The following TTLL4 variants were observed in gnomAD, a reference collection of about 807,000 sequenced individuals.
TTLL4 encodes the protein tubulin monoglutamylase TTLL4.
Under a neutral mutation model 122.7 loss-of-function variants are expected in TTLL4, and 85 were observed. The observed-to-expected ratio is 0.69, with a 90% CI of 0.58 to 0.83. The LOEUF (loss-of-function observed/expected upper bound fraction) is 0.83, where lower values mean the gene tolerates loss of function less well. Ranked by LOEUF, TTLL4 falls within the 40% of genes least tolerant of loss-of-function variation. TTLL4 has a pLI of 0.00. For synonymous variants in TTLL4, 553 were observed against 563.0 expected, an observed-to-expected ratio of 0.98 and a Z score of 0.25; for missense variants, 1,363 against 1,488.6, an observed-to-expected ratio of 0.92 and a Z score of 1.39.
downstream of TTLL4, among the ~76,000 whole-genome samples, chr2:218,758,454 A>G (rs1943190112): frequency 6.6e-6 from 1 of 152,216 alleles, no homozygotes; most frequent in South Asian, 2.1e-4. Context: ...ACCACCCAGA[A>G]CATATAAAGT....
intron 1 of TTLL4, among the ~76,000 whole-genome samples, chr2:218,713,597 G>A (rs765977408): frequency 6.6e-6 from 1 of 152,148 alleles, no homozygotes; most frequent in Non-Finnish European, 1.5e-5. Flanking sequence ...TACCTTATAT[G>A]TAAGGAACAC....
Position 218,719,146 on chromosome 2 carries a change from A to T in TTLL4, c.-178+8109A>T, listed in dbSNP as rs886907149. ...TTGTTCTAGGAAGACTTAGTGTTCC[A>T]TAAAGTTGTTGGGGGAGGAGACTTG... On this transcript the variant is annotated intron_variant, in intron 1 of 19. Transcript: ENST00000392102. 1.2e-4 allele frequency among the ~76,000 whole-genome samples: 18 copies of T among 152,296 alleles called. 1 individual carries two copies. The highest frequency in any genetic ancestry group is 4.3e-4 in the African/African-American group (18 of 41,552).
rs1191716175 is a variant in TTLL4 at position 218,728,921 on chromosome 2, A to ATT, written c.-99+1593_-99+1594dup. On this transcript the variant is annotated intron_variant, in intron 2 of 19. Coordinates refer to ENST00000392102, the MANE Select transcript of TTLL4 (RefSeq NM_014640.5). ...GCATGGACAGGGAAGCTGGTGGTCT[A>ATT]TTTTTTTTTTTTTTTTTTTTGGCGG... 2.1e-3 allele frequency among the ~76,000 whole-genome samples: 147 copies of ATT among 69,158 alleles called. 3 individuals carry two copies. Among genetic ancestry groups the ATT allele is most frequent in the African/African-American group, 6.0e-3 (117 of 19,516 alleles). 45.4% of individuals were successfully genotyped at this position (69,158 alleles called of 152,430 possible).
chr2:218,749,147 G>C (rs991779379), intron 13 of TTLL4, 106 bp from the exon 14 acceptor site: 5 of 1,507,790 alleles, frequency 3.3e-6, no homozygotes, highest in Non-Finnish European at 4.5e-6. Flanking sequence ...ACCTTTCCTG[G>C]GTTGCTTCTG....
intron 15 of TTLL4, 124 bp from the exon 16 acceptor site, chr2:218,751,580 C>T: frequency 7.3e-7 from 1 of 1,376,546 alleles, no homozygotes; most frequent in Non-Finnish European, 9.4e-7. Context: ...CTCAAGTAAC[C>T]TCTGTTCATA....
Position 218,752,981 on chromosome 2 carries a change from G to T in TTLL4, c.3187+8G>T, listed in dbSNP as rs762582723. On this transcript the variant is annotated splice_region_variant and intron_variant, in intron 17 of 19. Transcript: ENST00000392102. ...ATGGCAACAAGCTTAAAGGTGATGTGCCCTCCCTGCCCTCAGAAAGCCAAG... is the reference window on the plus strand; with the variant it reads ...ATGGCAACAAGCTTAAAGGTGATGTTCCCTCCCTGCCCTCAGAAAGCCAAG... 25 of 1,614,036 alleles carry T rather than the reference G, an allele frequency of 1.5e-5. No homozygotes were observed. The South Asian group carries it at 2.5e-4, about 16-fold the overall frequency.
rs1189711712 is a variant in TTLL4, at chr2:218,752,862, A to G, written c.3076A>G (p.Ile1026Val). 1.9e-6 allele frequency: 3 copies of G among 1,613,818 alleles called. No individual in the cohort carries two copies. The highest frequency in any genetic ancestry group is 3.3e-5 in the Admixed American group (2 of 59,958). Residue 1026 changes from isoleucine to valine, a missense_variant, in exon 17 of 20, where the codon ATT becomes GTT. Physicochemically the swap from Ile to Val is conservative, Grantham distance 29. Around this residue, in one of 3 missense-constraint regions of TTLL4, gnomAD observed 596 missense variants for 655.8 expected, o/e 0.91. Transcript: ENST00000392102. ...TTCTCGCCGTGGTCAGTTTGAACGAATTTTTCCTTCTCATATCTCCTCTCG... is the reference window on the plus strand; with the variant it reads ...TTCTCGCCGTGGTCAGTTTGAACGAGTTTTTCCTTCTCATATCTCCTCTCG... ...EFSRRGQFER[I>V]FPSHISSRYL...
Position 218,745,184 on chromosome 2 carries a change from C to G in TTLL4, c.1737C>G (p.Leu579=), listed in dbSNP as rs754672175. Reference sequence around the variant, plus strand: ...TCCGACCAGCCCTCATCTACAGTCTCTTTCCCAACGTTCCCCCTACCATCT... The same window carrying G: ...TCCGACCAGCCCTCATCTACAGTCTGTTTCCCAACGTTCCCCCTACCATCT... ...KVVRPALIYS[L]FPNVPPTIYF... is the part of the protein sequence containing the mutation. The change falls in exon 6 of 20, where the codon CTC becomes CTG. Residue 579 remains leucine (L), a synonymous_variant. Coordinates refer to ENST00000392102, the MANE Select transcript of TTLL4 (RefSeq NM_014640.5). The G allele has an allele frequency of 7.4e-6, 12 of 1,614,136 alleles. No individual in the cohort carries two copies. The South Asian group carries it at 1.3e-4, about 18-fold the overall frequency.
rs116092853 is a variant in TTLL4 at position 218,741,106 on chromosome 2, T to C, written c.1661+522T>C. On this transcript the variant is annotated intron_variant, in intron 5 of 19. Coordinates refer to ENST00000392102, the MANE Select transcript of TTLL4 (RefSeq NM_014640.5). ...AACAACAACAACAACAACAGTATAA[T>C]GGGCTGGGCGCAGTGGCTTATGCCT... Among the ~76,000 whole-genome samples, 483 of 152,198 alleles carry C rather than the reference T, an allele frequency of 3.2e-3. 1 individual carries two copies. Among genetic ancestry groups the C allele is most frequent in the African/African-American group, 0.011 (462 of 41,536 alleles).
downstream of TTLL4, among the ~76,000 whole-genome samples, chr2:218,758,413 A>T (rs1301380606): frequency 1.3e-5 from 2 of 152,246 alleles, no homozygotes. Flanking sequence ...ATGCAGATTT[A>T]AAGTAGTGGA....
intron 2 of TTLL4, chr2:218,736,504 G>T (rs1056082578): frequency 6.6e-6 from 1 of 152,180 alleles, no homozygotes. Flanking sequence ...CCAAACTTAA[G>T]CCTGGGCTTT....
chr2:218,733,238 TAAAG>T (rs1559363762), intron 2 of TTLL4, among the ~76,000 whole-genome samples: 1 of 152,162 alleles, frequency 6.6e-6, no homozygotes, highest in Non-Finnish European at 1.5e-5. Flanking sequence ...CGTACTGCTA[TAAAG>T]AAATACCTGA....
In TTLL4 at chr2:218,751,410, A is replaced by G. The variant is rs528080793; in HGVS notation, c.2874-294A>G. Among the ~76,000 whole-genome samples, 10 of 152,298 alleles carry G rather than the reference A, an allele frequency of 6.6e-5. No individual in the cohort carries two copies. The East Asian group carries it at 1.9e-3, about 29-fold the overall frequency. On this transcript the variant is annotated intron_variant, in intron 15 of 19. Coordinates refer to ENST00000392102, the MANE Select transcript of TTLL4 (RefSeq NM_014640.5). ...GAGTATATAGTTAAGTGTTCACTGAATTAAACTGAACTGAAGTATATACCA... is the reference window on the plus strand; with the variant it reads ...GAGTATATAGTTAAGTGTTCACTGAGTTAAACTGAACTGAAGTATATACCA...
chr2:218,741,723 C>T (rs972833631), intron 5 of TTLL4, among the ~76,000 whole-genome samples: 1 of 152,098 alleles, frequency 6.6e-6, no homozygotes, highest in Non-Finnish European at 1.5e-5. Context: ...GATTAAGTAC[C>T]TCCACTCTTC....
intron 2 of TTLL4, among the ~76,000 whole-genome samples, chr2:218,735,695 CAG>C (rs1346923706): frequency 6.7e-6 from 1 of 150,330 alleles, no homozygotes; most frequent in African/African-American, 2.5e-5. Flanking sequence ...TTTTTTGAGA[CAG>C]AGTCTCACTC....
chr2:218,718,800 T>C (rs1026300837), intron 1 of TTLL4, among the ~76,000 whole-genome samples: 3 of 152,176 alleles, frequency 2.0e-5, no homozygotes, highest in Admixed American at 6.5e-5. Context: ...AAATGCTGCA[T>C]GAAGATGACA....
At chr2:218,716,442 CAG>C (rs149546298) in intron 1 of TTLL4, among the ~76,000 whole-genome samples, 9,160 of 152,224 alleles carry the variant, frequency 0.06, 902 homozygotes, top group African/African-American at 0.21. Context: ...TTTTATCACA[CAG>C]AATATTAAAA....
At position 218,740,643 on chromosome 2, in the gene TTLL4, A is replaced by G. The variant is rs1156802225; in HGVS notation, c.1661+59A>G. ...TCATCTTTTGTCTCTTAAAGATTAT[A>G]AAGAGATAAACCACTCAAGTCATTA... On this transcript the variant is annotated intron_variant, in intron 5 of 19. Transcript: ENST00000392102. 4.4e-6 allele frequency: 7 copies of G among 1,583,328 alleles called. No individual in the cohort carries two copies. In the East Asian group the frequency reaches 1.6e-4, roughly 35 times the overall value.
chr2:218,736,336 C>T (rs998242158), intron 2 of TTLL4: 1 of 152,248 alleles, frequency 6.6e-6, no homozygotes, highest in African/African-American at 2.4e-5. Flanking sequence ...GCAGGCCCAC[C>T]TTTCCTTACT....
Sources: gnomAD v4.1 joint callset for allele counts (sites outside exome capture counted in the v4.1 genomes callset) on GRCh38, gnomAD v4.1.1 for gene constraint, gnomAD v4.1.1 regional missense constraint, MANE v1.5 for transcripts, NCBI Gene and HGNC (gene_info 2026-07-23, HGNC 2026-07-21) for gene names.